SV2C: variants seen among roughly 807,000 people sequenced by gnomAD.
SV2C encodes synaptic vesicle glycoprotein 2C.
Under a neutral mutation model 79.7 loss-of-function variants are expected in SV2C, and 49 were observed. The ratio of observed to expected loss-of-function variants is 0.61; its 90% CI spans 0.49 to 0.78. The LOEUF (loss-of-function observed/expected upper bound fraction) is 0.78. SV2C is among the 30% of genes least tolerant of loss of function. SV2C has a pLI of 0.00. For synonymous variants in SV2C, 334 were observed against 333.2 expected (o/e 1.00, Z -0.03); for missense variants, 833 against 912.9 (o/e 0.91, Z 1.13).
At chr5:75,978,926 G>A in the SV2C span, among the ~76,000 whole-genome samples, 1 of 151,946 alleles carries the variant, frequency 6.6e-6, no homozygotes, top group African/African-American at 2.4e-5. Context: ...GGGTTGCAGT[G>A]GGCTGAGGTC....
At chr5:76,076,203 T>G in the SV2C span, among the ~76,000 whole-genome samples, 1 of 152,196 alleles carries the variant, frequency 6.6e-6, no homozygotes, top group Non-Finnish European at 1.5e-5. Context: ...AATCCCTAAA[T>G]AAAATCAGGA....
chr5:76,095,757 G>T (rs1418859426), intron 1 of SV2C, among the ~76,000 whole-genome samples: 9 of 151,974 alleles, frequency 5.9e-5, no homozygotes. Flanking sequence ...ATATCAGAAT[G>T]TTAGTAACTA....
chr5:76,059,536 C>A, the SV2C span, among the ~76,000 whole-genome samples: 3 of 150,768 alleles, frequency 2.0e-5, no homozygotes, highest in Non-Finnish European at 2.9e-5. Context: ...CTCACCCATT[C>A]AAGTTTTATC....
At chr5:75,871,816 A>AAAAT in the SV2C span, among the ~76,000 whole-genome samples, 1 of 116,886 alleles carries the variant, frequency 8.6e-6, no homozygotes, top group African/African-American at 3.5e-5. Context: ...CAAATATATA[A>AAAAT]ATATATATAT....
chr5:76,072,481 G>C, the SV2C span, among the ~76,000 whole-genome samples: 1 of 152,216 alleles, frequency 6.6e-6, no homozygotes, highest in Non-Finnish European at 1.5e-5. Flanking sequence ...GAGCTAACAA[G>C]TGTGAAGCTG....
chr5:76,200,989 G>A (rs1329622524), intron 3 of SV2C, among the ~76,000 whole-genome samples: 1 of 152,126 alleles, frequency 6.6e-6, no homozygotes, highest in Non-Finnish European at 1.5e-5. Flanking sequence ...TATTTTTATT[G>A]TCTCCAAATG....
the SV2C span, among the ~76,000 whole-genome samples, chr5:76,067,990 TA>T: frequency 6.6e-5 from 10 of 152,200 alleles, no homozygotes; most frequent in Non-Finnish European, 1.2e-4. Context: ...TTTACAGTTC[TA>T]AAACTATCAA....
the SV2C span, among the ~76,000 whole-genome samples, chr5:75,852,022 G>T: frequency 4.0e-4 from 61 of 152,220 alleles, no homozygotes; most frequent in South Asian, 6.8e-3. Context: ...CAAGAGACTT[G>T]ACTGATTGCA....
chr5:75,962,249 A>G, the SV2C span, among the ~76,000 whole-genome samples: 2 of 152,080 alleles, frequency 1.3e-5, no homozygotes, highest in Admixed American at 6.6e-5. Context: ...AATTTCCTTT[A>G]TAGTGTTTGT....
intron 2 of SV2C, among the ~76,000 whole-genome samples, chr5:76,177,639 C>T (rs1329793001): frequency 1.3e-5 from 2 of 152,180 alleles, no homozygotes; most frequent in African/African-American, 4.8e-5. Flanking sequence ...CTACTGTATG[C>T]TATTCCAGAT....
the SV2C span, among the ~76,000 whole-genome samples, chr5:75,870,467 A>G: frequency 6.6e-6 from 1 of 151,994 alleles, no homozygotes; most frequent in East Asian, 1.9e-4. Flanking sequence ...CACAGAGGAG[A>G]CAAAAGTAAA....
chr5:76,146,269 G>A (rs1050541441), intron 2 of SV2C, among the ~76,000 whole-genome samples: 2 of 152,146 alleles, frequency 1.3e-5, no homozygotes, highest in Admixed American at 6.5e-5. Context: ...AGAATTCAGG[G>A]TGACTCCACG....
intron 4 of SV2C, among the ~76,000 whole-genome samples, chr5:76,281,625 C>G (rs1747199288): frequency 6.6e-6 from 1 of 152,174 alleles, no homozygotes; most frequent in Non-Finnish European, 1.5e-5. Context: ...CGCAGGGCTT[C>G]TAGAGTCTCC....
chr5:76,217,710 C>A (rs1369485483), intron 4 of SV2C, among the ~76,000 whole-genome samples: 1 of 150,970 alleles, frequency 6.6e-6, no homozygotes, highest in Non-Finnish European at 1.5e-5. Flanking sequence ...AACTAAAAAG[C>A]ATAAACCCTG....
intron 2 of SV2C, among the ~76,000 whole-genome samples, chr5:76,152,504 T>C (rs1749635057): frequency 6.6e-6 from 1 of 152,244 alleles, no homozygotes; most frequent in South Asian, 2.1e-4. Flanking sequence ...TATCTCATTT[T>C]ATTTATTTTT....
chr5:75,981,120 C>T, the SV2C span, among the ~76,000 whole-genome samples: 1 of 152,162 alleles, frequency 6.6e-6, no homozygotes, highest in East Asian at 1.9e-4. Context: ...TGACAATTGC[C>T]ATAAAATGAA....
At chr5:75,847,785 G>T in the SV2C span, among the ~76,000 whole-genome samples, 1 of 152,194 alleles carries the variant, frequency 6.6e-6, no homozygotes, top group Non-Finnish European at 1.5e-5. Flanking sequence ...CTAGAGGAGA[G>T]GAGATTTTAG....
chr5:75,865,834 A>G, the SV2C span, among the ~76,000 whole-genome samples: 1 of 152,214 alleles, frequency 6.6e-6, no homozygotes, highest in Non-Finnish European at 1.5e-5. Context: ...AACCAAGTAG[A>G]CAAATAACTT....
intron 12 of SV2C, among the ~76,000 whole-genome samples, chr5:76,306,748 A>G (rs1260507527): frequency 1.3e-5 from 2 of 152,260 alleles, no homozygotes; most frequent in African/African-American, 2.4e-5. Context: ...CTGAATATAT[A>G]AATTGGAAAT....
Sources: allele counts gnomAD v4.1 joint callset (sites outside exome capture counted in the v4.1 genomes callset), GRCh38; gene constraint gnomAD v4.1.1; transcripts MANE v1.5; gene names NCBI Gene and HGNC (gene_info 2026-07-23, HGNC 2026-07-21).